Variants in GNA14 observed in about 807,000 individuals in gnomAD.
GNA14 encodes the protein G protein subunit alpha 14, also known as guanine nucleotide-binding protein subunit alpha-14.
In GNA14, 50 loss-of-function variants were observed where a neutral mutation model predicts 42.0. The observed-to-expected ratio is 1.19, with a 90% CI of 0.95 to 1.51. The LOEUF (loss-of-function observed/expected upper bound fraction) is 1.51, where lower values mean the gene tolerates loss of function less well. Among genes scored for constraint, GNA14 ranks in the 40% most tolerant of loss-of-function variants. The pLI, the probability that GNA14 is intolerant of heterozygous loss-of-function variation, is 0.00. For synonymous variants in GNA14, 173 were observed against 163.1 expected (o/e 1.06, Z -0.46); for missense variants, 473 against 446.2 (o/e 1.06, Z -0.54).
At chr9:77,596,712 A>G (rs774982035) in intron 1 of GNA14, among the ~76,000 whole-genome samples, 1 of 152,190 alleles carries the variant, frequency 6.6e-6, no homozygotes, top group Non-Finnish European at 1.5e-5. Flanking sequence ...GGGAAAAGTC[A>G]AGCTGGGAAC....
intron 1 of GNA14, among the ~76,000 whole-genome samples, chr9:77,604,520 C>A (rs1823620204): frequency 6.6e-6 from 1 of 152,198 alleles, no homozygotes; most frequent in African/African-American, 2.4e-5. Context: ...TCACTCAAGT[C>A]CACATTTCCA....
chr9:77,475,757 C>A (rs1836408767), intron 2 of GNA14, among the ~76,000 whole-genome samples: 1 of 152,216 alleles, frequency 6.6e-6, no homozygotes, highest in Admixed American at 6.5e-5. Context: ...TGGGTCTCTG[C>A]ACAAACCCCG....
At chr9:77,538,799 T>C (rs879131719) in intron 1 of GNA14, among the ~76,000 whole-genome samples, 3 of 152,348 alleles carry the variant, frequency 2.0e-5, no homozygotes, top group East Asian at 3.9e-4. Context: ...CTTTAGGGAA[T>C]GTATTTATCA....
intron 1 of GNA14, among the ~76,000 whole-genome samples, chr9:77,584,175 C>A (rs528563743): frequency 6.6e-6 from 1 of 152,076 alleles, no homozygotes; most frequent in Non-Finnish European, 1.5e-5. Context: ...CAAGAAACTG[C>A]GAAAGGTAAC....
rs533254246 is a variant in GNA14 at position 77,426,970 on chromosome 9, A to G, written c.724-1255T>C. 5.3e-5 allele frequency among the ~76,000 whole-genome samples: 8 copies of G among 152,244 alleles called. No homozygotes were observed. The South Asian group carries it at 1.7e-3, about 32-fold the overall frequency. ...AGGTTTGTTCTGCCACTCAGTACGC[A>G]TTGGGGGAATTACGATCTGGAATGT... On this transcript the variant is annotated intron_variant, in intron 5 of 6. Coordinates refer to ENST00000341700, the MANE Select transcript of GNA14 (RefSeq NM_004297.4).
intron 1 of GNA14, among the ~76,000 whole-genome samples, chr9:77,642,179 G>A (rs1030666684): frequency 2.0e-5 from 3 of 152,188 alleles, no homozygotes; most frequent in African/African-American, 7.2e-5. Context: ...CAATAAAGAT[G>A]ATTTGCAAAA....
At chr9:77,530,821 T>C (rs1468044289) in intron 1 of GNA14, among the ~76,000 whole-genome samples, 1 of 152,206 alleles carries the variant, frequency 6.6e-6, no homozygotes, top group Non-Finnish European at 1.5e-5. Flanking sequence ...ACAGTCTCAC[T>C]GGCCTTGTTT....
rs375737357 is a variant in GNA14, at chr9:77,423,996, C to T, written c.1051G>A (p.Glu351Lys). Residue 351 changes from glutamate (E) to lysine (K), a missense_variant, in exon 7 of 7, where the codon GAA becomes AAA. Transcript: ENST00000341700. ...AGCAGCTTTTAGACAAGGTTGAATT[C>T]CCTTAGGTTTAGCTGTAGAATTGTG... ...KDTILQLNLREFNLV is the reference protein window; with the variant it reads ...KDTILQLNLRKFNLV 45 of 1,601,660 alleles carry T rather than the reference C, an allele frequency of 2.8e-5. No homozygotes were observed. Among genetic ancestry groups the T allele is most frequent in the Non-Finnish European group, 3.8e-5 (44 of 1,173,096 alleles).
intron 5 of GNA14, 82 bp downstream of exon 5, chr9:77,428,825 A>G (rs1835496686): frequency 2.1e-6 from 3 of 1,425,840 alleles, no homozygotes; most frequent in South Asian, 2.6e-5. Flanking sequence ...ACGAGGGTCT[A>G]TTTCCTGACC....
In GNA14 at chr9:77,473,352, G is replaced by C. The variant is rs117631435; in HGVS notation, c.310-38830C>G. Among the ~76,000 whole-genome samples the C allele has an allele frequency of 3.3e-5, 5 of 152,236 alleles. No homozygotes were observed. The East Asian group carries it at 9.7e-4, about 29-fold the overall frequency. On this transcript the variant is annotated intron_variant, in intron 2 of 6. Coordinates refer to ENST00000341700, the MANE Select transcript of GNA14 (RefSeq NM_004297.4). Reference sequence around the variant, plus strand: ...TGCCCCTGTAGTCCCAGCTACTTGGGAGGCTAAAGTGGGAGGATGGTTTAA... The same window carrying C: ...TGCCCCTGTAGTCCCAGCTACTTGGCAGGCTAAAGTGGGAGGATGGTTTAA...
intron 1 of GNA14, among the ~76,000 whole-genome samples, chr9:77,602,772 G>A (rs1823589388): frequency 6.6e-6 from 1 of 152,014 alleles, no homozygotes; most frequent in Admixed American, 6.6e-5. Context: ...CTTTATCAGG[G>A]CCGGCCTCAT....
intron 1 of GNA14, among the ~76,000 whole-genome samples, chr9:77,539,537 GAGTTCCCTCCTCT>G (rs1837634671): frequency 6.6e-6 from 1 of 152,188 alleles, no homozygotes. Flanking sequence ...GAGTTAGGGA[GAGTTCCCTCCTCT>G]TCAATCTTTT....
At chr9:77,602,276 G>A (rs1336594046) in intron 1 of GNA14, among the ~76,000 whole-genome samples, 1 of 152,136 alleles carries the variant, frequency 6.6e-6, no homozygotes. Context: ...CACTATCCAT[G>A]AATTCAGAGG....
At chr9:77,505,166 G>C (rs1398426682) in intron 2 of GNA14, among the ~76,000 whole-genome samples, 2 of 152,164 alleles carry the variant, frequency 1.3e-5, no homozygotes, top group Non-Finnish European at 2.9e-5. Context: ...GACTAAATTT[G>C]AGAGCCTAAG....
At chr9:77,450,040 C>T (rs1835879785) in intron 2 of GNA14, among the ~76,000 whole-genome samples, 1 of 152,150 alleles carries the variant, frequency 6.6e-6, no homozygotes, top group Non-Finnish European at 1.5e-5. Flanking sequence ...GGCCGAAGGA[C>T]ATTTGGAATT....
chr9:77,624,497 C>G (rs185120140), intron 1 of GNA14, among the ~76,000 whole-genome samples: 45 of 152,252 alleles, frequency 3.0e-4, no homozygotes, highest in African/African-American at 1.1e-3. Flanking sequence ...CAGCGGGGGT[C>G]GACAGACACC....
intron 2 of GNA14, among the ~76,000 whole-genome samples, chr9:77,512,623 A>G (rs1238218962): frequency 6.6e-6 from 1 of 152,232 alleles, no homozygotes; most frequent in Non-Finnish European, 1.5e-5. Flanking sequence ...TATCAAAGGT[A>G]TCTCATACAC....
At position 77,630,019 on chromosome 9, in the gene GNA14, G is replaced by T. The variant is rs1824072887; in HGVS notation, c.124+17651C>A. Among the ~76,000 whole-genome samples, 2 of 151,912 alleles carry T rather than the reference G, an allele frequency of 1.3e-5. 1 individual carries two copies. Among genetic ancestry groups the T allele is most frequent in the Admixed American group, 1.3e-4 (2 of 15,246 alleles). ...GTTGTGATTAGTTTATGATTTAACA[G>T]TAATAAATGTGATTATTTGATTTGA... On this transcript the variant is annotated intron_variant, in intron 1 of 6. Coordinates refer to ENST00000341700, the MANE Select transcript of GNA14 (RefSeq NM_004297.4).
intron 2 of GNA14, among the ~76,000 whole-genome samples, chr9:77,449,453 C>T (rs1835871078): frequency 6.6e-6 from 1 of 152,196 alleles, no homozygotes; most frequent in African/African-American, 2.4e-5. Flanking sequence ...CTTAAGCAAG[C>T]CATGTTATCA....
Sources: gnomAD v4.1 joint callset for allele counts (sites outside exome capture counted in the v4.1 genomes callset) on GRCh38, gnomAD v4.1.1 for gene constraint, MANE v1.5 for transcripts, NCBI Gene and HGNC (gene_info 2026-07-23, HGNC 2026-07-21) for gene names.